Variants in PDZRN3 observed in about 807,000 individuals in gnomAD.
PDZRN3 encodes the protein PDZ domain containing ring finger 3.
PDZRN3 carries 38 observed loss-of-function variants against 85.7 expected under a neutral mutation model. The observed-to-expected ratio is 0.44, with a 90% CI of 0.34 to 0.58. PDZRN3 has a LOEUF of 0.58. Among genes scored for constraint, PDZRN3 ranks in the 20% least tolerant of loss-of-function variants. The probability of loss-of-function intolerance (pLI) is 0.01; values close to 1 mark genes in which losing one functional copy is unlikely to be tolerated. For missense variants in PDZRN3, 1,629 were observed against 1,506.4 expected (o/e 1.08, Z -1.35); for synonymous variants, 759 against 638.0 (o/e 1.19, Z -2.86).
chr3:73,493,707 G>A (rs1703817800), intron 3 of PDZRN3, among the ~76,000 whole-genome samples: 1 of 152,218 alleles, frequency 6.6e-6, no homozygotes, highest in Admixed American at 6.5e-5. Flanking sequence ...ACTAGTTTTA[G>A]TGATGAAGAG....
intron 3 of PDZRN3, among the ~76,000 whole-genome samples, chr3:73,481,504 A>AT (rs5850112): frequency 0.067 from 10,150 of 152,034 alleles, 444 homozygotes; most frequent in South Asian, 0.16. Context: ...CTAATTTTGT[A>AT]TTTTTAGTAG....
At chr3:73,528,780 A>G (rs1045254498) in intron 3 of PDZRN3, among the ~76,000 whole-genome samples, 2 of 152,104 alleles carry the variant, frequency 1.3e-5, no homozygotes, top group Non-Finnish European at 2.9e-5. Flanking sequence ...CTTGTTGTAC[A>G]CAATCTGGCA....
At chr3:73,623,910 G>GACC in intron 1 of PDZRN3, 193 bp downstream of exon 1, 1 of 504,742 alleles carries the variant, frequency 2.0e-6, no homozygotes, top group Non-Finnish European at 3.4e-6. Context: ...GACTATAAAG[G>GACC]ACCACAGTGT....
At chr3:73,542,878 C>T (rs966909394) in intron 3 of PDZRN3, among the ~76,000 whole-genome samples, 1 of 152,144 alleles carries the variant, frequency 6.6e-6, no homozygotes, top group Non-Finnish European at 1.5e-5. Context: ...TCATGTGGAA[C>T]GTCATCATCA....
chr3:73,503,809 G>T (rs6419780), intron 3 of PDZRN3, among the ~76,000 whole-genome samples: 3 of 152,214 alleles, frequency 2.0e-5, no homozygotes, highest in African/African-American at 7.2e-5. Flanking sequence ...ATTAAACCTA[G>T]AATTAAGGCT....
At chr3:73,420,157 CCTT>C (rs1482458813) in intron 3 of PDZRN3, among the ~76,000 whole-genome samples, 4 of 152,202 alleles carry the variant, frequency 2.6e-5, no homozygotes, top group Non-Finnish European at 5.9e-5. Flanking sequence ...ATCCATGACT[CCTT>C]CTGTCTTGGA....
At position 73,486,053 on chromosome 3, in the gene PDZRN3, A is replaced by G. The variant is rs1703655139; in HGVS notation, c.919-81658T>C. Among the ~76,000 whole-genome samples the G allele has an allele frequency of 3.3e-5, 5 of 152,260 alleles. No individual in the cohort carries two copies. In the South Asian group the frequency reaches 1.0e-3, roughly 31 times the overall value. ...ATGCGGCTGAGCAGATTTTGTGCAA[A>G]AAACCTTTATCTTCATCAGAGGAAG... On this transcript the variant is annotated intron_variant, in intron 3 of 9. Coordinates refer to ENST00000263666, the MANE Select transcript of PDZRN3 (RefSeq NM_015009.3).
chr3:73,548,109 G>T (rs1360657064), intron 3 of PDZRN3, among the ~76,000 whole-genome samples: 1 of 152,152 alleles, frequency 6.6e-6, no homozygotes, highest in Non-Finnish European at 1.5e-5. Flanking sequence ...GACATATGCT[G>T]AACCTAAATT....
At chr3:73,531,455 C>T (rs1010454184) in intron 3 of PDZRN3, among the ~76,000 whole-genome samples, 1 of 152,132 alleles carries the variant, frequency 6.6e-6, no homozygotes, top group African/African-American at 2.4e-5. Flanking sequence ...GCCTGTGTTA[C>T]ACTTGAGGAT....
At chr3:73,478,828 T>C (rs968230853) in intron 3 of PDZRN3, among the ~76,000 whole-genome samples, 3 of 152,188 alleles carry the variant, frequency 2.0e-5, no homozygotes, top group African/African-American at 7.2e-5. Context: ...GCATCCCAAG[T>C]GGGGTTATAA....
intron 3 of PDZRN3, among the ~76,000 whole-genome samples, chr3:73,495,694 T>A (rs978993229): frequency 2.5e-4 from 24 of 97,234 alleles, no homozygotes; most frequent in Non-Finnish European, 6.5e-4. Context: ...CTAGAACTTC[T>A]CTAGGACTGA....
chr3:73,431,629 G>T (rs898971941), intron 3 of PDZRN3, among the ~76,000 whole-genome samples: 7 of 152,152 alleles, frequency 4.6e-5, no homozygotes, highest in African/African-American at 1.4e-4. Flanking sequence ...GAGCAGGGGG[G>T]ATTTTACTTA....
chr3:73,620,100 C>T lies in PDZRN3; in HGVS notation c.723+4003G>A, dbSNP rs553318664. On this transcript the variant is annotated intron_variant, in intron 1 of 9. Coordinates refer to ENST00000263666, the MANE Select transcript of PDZRN3 (RefSeq NM_015009.3). ...ACCCCCATCACCACTACCACCACCA[C>T]CAACAACACACCCACACCCAAGAAT... Among the ~76,000 whole-genome samples, 110 of 152,304 alleles carry T rather than the reference C, an allele frequency of 7.2e-4. 1 individual carries two copies. The highest frequency in any genetic ancestry group is 2.5e-3 in the African/African-American group (104 of 41,566).
rs558830867 is a variant in PDZRN3, at chr3:73,429,784, G to A, written c.919-25389C>T. Among the ~76,000 whole-genome samples the A allele has an allele frequency of 1.6e-4, 25 of 152,282 alleles. No individual in the cohort carries two copies. In the South Asian group the frequency reaches 3.7e-3, roughly 23 times the overall value. The stretch of plus-strand genomic sequence containing the variant: ...TACTGAGAGGCAAAAGGACATCAGC[G>A]TTCTCAAATCATTCATTCTTCAGGT... On this transcript the variant is annotated intron_variant, in intron 3 of 9. Transcript: ENST00000263666.
chr3:73,459,646 C>A (rs1703062567), intron 3 of PDZRN3, among the ~76,000 whole-genome samples: 2 of 152,222 alleles, frequency 1.3e-5, no homozygotes, highest in South Asian at 4.1e-4. Context: ...AAGGATAATG[C>A]CCCCCAACTC....
At chr3:73,424,261 G>T (rs893668125) in intron 3 of PDZRN3, among the ~76,000 whole-genome samples, 5 of 151,486 alleles carry the variant, frequency 3.3e-5, no homozygotes, top group African/African-American at 1.2e-4. Context: ...GCCAGGCATG[G>T]TGGCTCACGC....
At chr3:73,554,117 G>C (rs1264084821) in intron 3 of PDZRN3, among the ~76,000 whole-genome samples, 1 of 152,152 alleles carries the variant, frequency 6.6e-6, no homozygotes, top group Non-Finnish European at 1.5e-5. Flanking sequence ...AGAGGGCCAA[G>C]GGCTGATGTG....
intron 3 of PDZRN3, among the ~76,000 whole-genome samples, chr3:73,541,170 A>G (rs1467860653): frequency 6.6e-6 from 1 of 152,208 alleles, no homozygotes; most frequent in Non-Finnish European, 1.5e-5. Context: ...TTTAGTCATC[A>G]AAGTATGACT....
chr3:73,602,052 T>A (rs1171092837), intron 3 of PDZRN3, among the ~76,000 whole-genome samples: 1 of 152,138 alleles, frequency 6.6e-6, no homozygotes, highest in Non-Finnish European at 1.5e-5. Flanking sequence ...GGTTCTAACA[T>A]CCAACTCTTC....
Sources: allele counts gnomAD v4.1 joint callset (sites outside exome capture counted in the v4.1 genomes callset), GRCh38; gene constraint gnomAD v4.1.1; transcripts MANE v1.5; gene names NCBI Gene and HGNC (gene_info 2026-07-23, HGNC 2026-07-21).